The following ART1 variants were observed in gnomAD, a reference collection of about 807,000 sequenced individuals.
ART1 encodes ADP-ribosyltransferase 1, also known as GPI-linked NAD(P)(+)--arginine ADP-ribosyltransferase 1.
A neutral mutation model predicts 27.0 loss-of-function variants in ART1; 29 were observed. The observed-to-expected ratio is 1.08, with a 90% CI of 0.80 to 1.47. The LOEUF (loss-of-function observed/expected upper bound fraction) is 1.47. ART1 is among the 40% of genes most tolerant of loss of function. The probability of loss-of-function intolerance (pLI) is 0.00; values close to 1 mark genes in which losing one functional copy is unlikely to be tolerated. For synonymous variants in ART1, 201 were observed against 172.2 expected, an observed-to-expected ratio of 1.17 and a Z score of -1.31; for missense variants, 480 against 423.0, an observed-to-expected ratio of 1.13 and a Z score of -1.18.
At chr11:3,650,961 A>G (rs2133949937) in intron 1 of ART1, among the ~76,000 whole-genome samples, 1 of 151,648 alleles carries the variant, frequency 6.6e-6, no homozygotes, top group East Asian at 1.9e-4. Flanking sequence ...AAAGGATTAA[A>G]GCCTGTTATT....
At chr11:3,653,446 C>T (rs2077543508) in intron 1 of ART1, among the ~76,000 whole-genome samples, 1 of 148,146 alleles carries the variant, frequency 6.8e-6, no homozygotes, top group South Asian at 2.2e-4. Flanking sequence ...GACCCCCACT[C>T]TGACTGCCAG....
intron 1 of ART1, among the ~76,000 whole-genome samples, chr11:3,655,183 G>C (rs893938974): frequency 6.6e-6 from 1 of 152,158 alleles, no homozygotes; most frequent in Non-Finnish European, 1.5e-5. Context: ...GTTCATTCTG[G>C]GGGTCCAGAC....
chr11:3,655,797 A>T (rs1236647702), intron 1 of ART1: 3 of 152,222 alleles, frequency 2.0e-5, no homozygotes, highest in African/African-American at 7.2e-5. Context: ...TGTTCCTCTC[A>T]TGGGGTGCAT....
rs2077611877 is a variant in ART1 at position 3,660,356 on chromosome 11, C to T, written c.837C>T (p.Tyr279=). ...AGCACAGCACCTACAACTGCGAGTA[C>T]ATCAAAGGTAGGAGGGCAAGCGCTG... ...LGKHSTYNCE[Y]IKDKKCKSGP... is the part of the protein sequence containing the mutation. The change falls in exon 3 of 5, where the codon TAC becomes TAT. Residue 279 remains tyrosine, a synonymous_variant. Coordinates refer to ENST00000250693, the MANE Select transcript of ART1 (RefSeq NM_004314.3). 6.3e-7 allele frequency: 1 copy of T among 1,598,946 alleles called. No individual in the cohort carries two copies. Among genetic ancestry groups the T allele is most frequent in the Non-Finnish European group, 8.5e-7 (1 of 1,177,342 alleles).
At chr11:3,646,522 ATT>A (rs2077470834) in intron 1 of ART1, among the ~76,000 whole-genome samples, 1 of 152,140 alleles carries the variant, frequency 6.6e-6, no homozygotes, top group African/African-American at 2.4e-5. Context: ...CCTAAAGAGG[ATT>A]TTATCACAAG....
In ART1 at chr11:3,660,269, A is replaced by G; in HGVS notation, c.750A>G (p.Gln250=). The G allele has an allele frequency of 6.2e-7, 1 of 1,612,888 alleles. No individual in the cohort carries two copies. Among genetic ancestry groups the G allele is most frequent in the Non-Finnish European group, 8.5e-7 (1 of 1,179,982 alleles). The change falls in exon 3 of 5, where the codon CAA becomes CAG. Residue 250 remains glutamine (Q), a synonymous_variant. Coordinates refer to ENST00000250693, the MANE Select transcript of ART1 (RefSeq NM_004314.3). ...TGATCCCCCCCTTTGAGACCTTCCA[A>G]GTGATCAATGCCAGCAGACTGGCCC... is the stretch of plus-strand genomic sequence containing the variant. ...EVLIPPFETF[Q]VINASRLAQG...
At chr11:3,647,339 C>A (rs970543535) in intron 1 of ART1, among the ~76,000 whole-genome samples, 29 of 132,680 alleles carry the variant, frequency 2.2e-4, no homozygotes, top group South Asian at 2.6e-4. Flanking sequence ...CAAAACAAAA[C>A]AAAAAAAAAA....
intron 3 of ART1, 119 bp from the exon 4 acceptor site, chr11:3,661,253 A>AG: frequency 1.2e-6 from 1 of 864,760 alleles, no homozygotes. Context: ...GAGCAGAATT[A>AG]GGGGGAAATG....
In ART1 at chr11:3,664,110, T is replaced by A. The variant is rs771808549; in HGVS notation, c.905T>A (p.Leu302His). 5 of 1,614,020 alleles carry A rather than the reference T, an allele frequency of 3.1e-6. No individual in the cohort carries two copies. Among genetic ancestry groups the A allele is most frequent in the Non-Finnish European group, 3.4e-6 (4 of 1,180,012 alleles). ...LDNSAMGQSP[L>H]SAVWSLLLLL... ...CCTGCAGCCATGGGTCAGAGCCCCC[T>A]CTCTGCAGTCTGGTCTTTGCTGCTG... Residue 302 changes from leucine to histidine, a missense_variant, in exon 5 of 5, where the codon CTC (leucine) becomes CAC (histidine). Transcript: ENST00000250693.
rs184233555 is a variant in ART1 at position 3,656,738 on chromosome 11, C to T, written c.-52-2424C>T. Among the ~76,000 whole-genome samples, 16 of 152,198 alleles carry T rather than the reference C, an allele frequency of 1.1e-4. No individual in the cohort carries two copies. In the East Asian group the frequency reaches 2.9e-3, roughly 28 times the overall value. Reference sequence around the variant, plus strand: ...AACTCCTGGGCTCAAGTAATCCTCCCGCCTCAGTCTCCCAAAGTGCTGGGA... The same window carrying T: ...AACTCCTGGGCTCAAGTAATCCTCCTGCCTCAGTCTCCCAAAGTGCTGGGA... On this transcript the variant is annotated intron_variant, in intron 1 of 4. Coordinates refer to ENST00000250693, the MANE Select transcript of ART1 (RefSeq NM_004314.3).
chr11:3,656,706 C>T (rs1050857375), intron 1 of ART1, among the ~76,000 whole-genome samples: 1 of 151,936 alleles, frequency 6.6e-6, no homozygotes, highest in Non-Finnish European at 1.5e-5. Flanking sequence ...TGCCCAGGCT[C>T]GTTTCAAACT....
intron 1 of ART1, among the ~76,000 whole-genome samples, chr11:3,655,079 A>G (rs1018275966): frequency 6.6e-6 from 1 of 152,224 alleles, no homozygotes; most frequent in East Asian, 1.9e-4. Flanking sequence ...GCTTATCTAA[A>G]CTGGACTTGG....
intron 1 of ART1, among the ~76,000 whole-genome samples, chr11:3,648,197 T>C (rs1191046502): frequency 1.3e-5 from 2 of 152,014 alleles, no homozygotes; most frequent in Non-Finnish European, 1.5e-5. Context: ...CACCCTTATC[T>C]CCCTTCGCTG....
At position 3,659,160 on chromosome 11, in the gene ART1, A is replaced by C; in HGVS notation, c.-52-2A>C. On this transcript the variant is annotated splice_acceptor_variant, in intron 1 of 4. Transcript: ENST00000250693. LOFTEE classifies it low-confidence loss of function (5UTR_SPLICE). Reference sequence around the variant, plus strand: ...ATACAGATTAACACTGCAATTTTCCAGATGAGGAAACTGAGACCCAAAAAG... The same window carrying C: ...ATACAGATTAACACTGCAATTTTCCCGATGAGGAAACTGAGACCCAAAAAG... 6.4e-7 allele frequency: 1 copy of C among 1,560,388 alleles called. No individual in the cohort carries two copies. The highest frequency in any genetic ancestry group is 2.2e-5 in the East Asian group (1 of 44,570).
chr11:3,663,033 A>ATCATCTCATCTCATCTCATCTCATC lies in ART1; in HGVS notation c.887-1038_887-1014dup, dbSNP rs1554883211. On this transcript the variant is annotated intron_variant, in intron 4 of 4. Coordinates refer to ENST00000250693, the MANE Select transcript of ART1 (RefSeq NM_004314.3). ...TCATCTCATCATCTCATCTCATCTC[A>ATCATCTCATCTCATCTCATCTCATC]TCATCTCATCTCATCTCATCTCATC... Among the ~76,000 whole-genome samples, 53 of 82,402 alleles carry ATCATCTCATCTCATCTCATCTCATC rather than the reference A, an allele frequency of 6.4e-4. 3 individuals carry two copies. The highest frequency in any genetic ancestry group is 1.5e-3 in the African/African-American group (32 of 20,858). 54.1% of individuals were successfully genotyped at this position (82,402 alleles called of 152,430 possible). A position where few individuals can be genotyped will look rare whatever the true frequency, so the allele number is the denominator to read the frequency against.
rs761928695 is a variant in ART1 at position 3,659,571 on chromosome 11, C to T, written c.64-12C>T. 3.8e-6 allele frequency: 6 copies of T among 1,582,674 alleles called. No homozygotes were observed. Among genetic ancestry groups the T allele is most frequent in the Non-Finnish European group, 5.1e-6 (6 of 1,167,334 alleles). On this transcript the variant is annotated splice_polypyrimidine_tract_variant and intron_variant, in intron 2 of 4. Transcript: ENST00000250693. Reference sequence around the variant, plus strand: ...CCTATCCTCTCAGTCCCTGCTACTCCTGTCCCCTCAGGCCCAGAGCCACCC... The same window carrying T: ...CCTATCCTCTCAGTCCCTGCTACTCTTGTCCCCTCAGGCCCAGAGCCACCC...
chr11:3,652,898 G>T (rs1344703742), intron 1 of ART1, among the ~76,000 whole-genome samples: 1 of 149,982 alleles, frequency 6.7e-6, no homozygotes, highest in East Asian at 1.9e-4. Flanking sequence ...AGATGTCCTA[G>T]GTCCTCCCAA....
At chr11:3,656,625 G>A (rs980190230) in intron 1 of ART1, among the ~76,000 whole-genome samples, 26 of 151,890 alleles carry the variant, frequency 1.7e-4, no homozygotes, top group South Asian at 4.2e-4. Context: ...CAGGTGATCC[G>A]CCCACCTCAG....
chr11:3,663,142 A>ATCTCATCTCATC (rs773719879), intron 4 of ART1, among the ~76,000 whole-genome samples: 2 of 140,460 alleles, frequency 1.4e-5, no homozygotes, highest in Admixed American at 7.3e-5. Flanking sequence ...ATCTCATCTC[A>ATCTCATCTCATC]TCATCATCTC....
Sources: allele counts gnomAD v4.1 joint callset (sites outside exome capture counted in the v4.1 genomes callset), GRCh38; gene constraint gnomAD v4.1.1; transcripts MANE v1.5; gene names NCBI Gene and HGNC (gene_info 2026-07-23, HGNC 2026-07-21).